The following SOX5 variants were observed in gnomAD, a reference collection of about 807,000 sequenced individuals.
SOX5 encodes transcription factor SOX-5.
SOX5 carries 9 observed loss-of-function variants against 92.0 expected under a neutral mutation model. The observed-to-expected ratio is 0.10, with a 90% CI of 0.06 to 0.17. SOX5 has a LOEUF of 0.17. Ranked by LOEUF, SOX5 falls within the 10% of genes least tolerant of loss-of-function variation. The pLI is 1.00. For missense variants in SOX5, 642 were observed against 944.5 expected, an observed-to-expected ratio of 0.68 and a Z score of 4.20; for synonymous variants, 344 against 336.3, an observed-to-expected ratio of 1.02 and a Z score of -0.25.
At chr12:24,380,306 A>G (rs1353008224) in intron 1 of SOX5, among the ~76,000 whole-genome samples, 1 of 152,148 alleles carries the variant, frequency 6.6e-6, no homozygotes, top group African/African-American at 2.4e-5. Flanking sequence ...CTGATTAGCA[A>G]TTTGCACTTT....
intron 3 of SOX5, among the ~76,000 whole-genome samples, chr12:23,835,168 T>G (rs1453343435): frequency 1.3e-5 from 2 of 151,894 alleles, no homozygotes; most frequent in Non-Finnish European, 2.9e-5. Context: ...TTGGCAAAAT[T>G]AAGATAGTCG....
At chr12:24,414,144 C>T (rs1399832362) in intron 1 of SOX5, among the ~76,000 whole-genome samples, 1 of 152,134 alleles carries the variant, frequency 6.6e-6, no homozygotes, top group Non-Finnish European at 1.5e-5. Context: ...TACTTGGGCT[C>T]AAATCCATTA....
chr12:23,662,133 TTA>T (rs1336877260), intron 7 of SOX5, among the ~76,000 whole-genome samples: 1 of 151,680 alleles, frequency 6.6e-6, no homozygotes, highest in Non-Finnish European at 1.5e-5. Context: ...TACACACACA[TTA>T]TATATATACA....
intron 4 of SOX5, among the ~76,000 whole-genome samples, chr12:24,130,534 T>A (rs891378292): frequency 1.4e-4 from 21 of 152,146 alleles, no homozygotes; most frequent in African/African-American, 4.8e-4. Flanking sequence ...TTTCAATGAA[T>A]GAAGTTGAGT....
At chr12:24,050,580 G>T (rs939928552) in intron 4 of SOX5, among the ~76,000 whole-genome samples, 1 of 152,106 alleles carries the variant, frequency 6.6e-6, no homozygotes, top group Admixed American at 6.5e-5. Context: ...CTATGAAAAG[G>T]TCATCCTTTT....
chr12:23,629,515 GTTTTGCTTAGCAGCAGAAA>G (rs1365201803), intron 8 of SOX5, among the ~76,000 whole-genome samples: 1 of 151,976 alleles, frequency 6.6e-6, no homozygotes, highest in Non-Finnish European at 1.5e-5. Context: ...TGGTTTTTAA[GTTTTGCTTAGCAGCAGAAA>G]TCTTTAACTC....
At chr12:24,432,377 G>T (rs1421587623) in intron 1 of SOX5, among the ~76,000 whole-genome samples, 1 of 152,084 alleles carries the variant, frequency 6.6e-6, no homozygotes, top group African/African-American at 2.4e-5. Flanking sequence ...CACGTGAAAA[G>T]CCCCCAATAA....
intron 4 of SOX5, among the ~76,000 whole-genome samples, chr12:24,048,724 G>C (rs1211349431): frequency 1.3e-5 from 2 of 152,162 alleles, no homozygotes; most frequent in African/African-American, 4.8e-5. Flanking sequence ...AACGAAGCTT[G>C]AAAACATTAC....
intron 3 of SOX5, among the ~76,000 whole-genome samples, chr12:23,790,548 TCACACACACA>T (rs941547453): frequency 8.7e-5 from 12 of 137,320 alleles, no homozygotes; most frequent in Non-Finnish European, 1.9e-4. Flanking sequence ...TCTCAATCTC[TCACACACACA>T]CACACACACA....
chr12:23,861,851 A>G (rs2096760274), intron 2 of SOX5, among the ~76,000 whole-genome samples: 1 of 152,178 alleles, frequency 6.6e-6, no homozygotes, highest in Non-Finnish European at 1.5e-5. Context: ...CATTATACTT[A>G]GCAACATCAA....
chr12:24,011,388 C>T (rs74565649), intron 4 of SOX5, among the ~76,000 whole-genome samples: 2,322 of 152,194 alleles, frequency 0.015, 78 homozygotes, highest in African/African-American at 0.053. Context: ...TTGGGAAATA[C>T]GTTTTATTTT....
At chr12:24,257,411 C>T (rs143188951) in intron 3 of SOX5, among the ~76,000 whole-genome samples, 9 of 152,092 alleles carry the variant, frequency 5.9e-5, no homozygotes, top group African/African-American at 2.2e-4. Flanking sequence ...TCTGATTTCT[C>T]TAAGTCACAA....
At chr12:24,469,521 C>T (rs950249602) in intron 1 of SOX5, among the ~76,000 whole-genome samples, 1 of 152,178 alleles carries the variant, frequency 6.6e-6, no homozygotes, top group Non-Finnish European at 1.5e-5. Flanking sequence ...CTTCCTAATA[C>T]TTTTATTTAA....
chr12:24,056,775 A>G (rs1038976149), intron 4 of SOX5, among the ~76,000 whole-genome samples: 3 of 151,278 alleles, frequency 2.0e-5, no homozygotes, highest in African/African-American at 7.3e-5. Flanking sequence ...GGAGATCGAG[A>G]CCATCCCGGC....
intron 6 of SOX5, among the ~76,000 whole-genome samples, chr12:23,695,015 A>G (rs2089552170): frequency 6.6e-6 from 1 of 151,806 alleles, no homozygotes; most frequent in African/African-American, 2.4e-5. Context: ...AGCTACTTGC[A>G]AGGCTGAGGT....
At chr12:23,632,467 C>T (rs1175603159) in intron 8 of SOX5, among the ~76,000 whole-genome samples, 1 of 152,114 alleles carries the variant, frequency 6.6e-6, no homozygotes, top group Admixed American at 6.6e-5. Flanking sequence ...AAAATCCTCA[C>T]ATCTAGATTT....
rs543447588 is a variant in SOX5 at position 23,768,124 on chromosome 12, G to GT, written c.482-12401dup. Among the ~76,000 whole-genome samples the GT allele has an allele frequency of 1.8e-4, 27 of 152,146 alleles. No homozygotes were observed. The South Asian group carries it at 5.2e-3, about 29-fold the overall frequency. Reference sequence around the variant, plus strand: ...AATGCTTATTTACAACAGTCTAGGGGTTTTTGTGAAGTGCAATGAAACATA... The same window carrying GT: ...AATGCTTATTTACAACAGTCTAGGGGTTTTTTGTGAAGTGCAATGAAACATA... On this transcript the variant is annotated intron_variant, in intron 3 of 14. Coordinates refer to ENST00000451604, the MANE Select transcript of SOX5 (RefSeq NM_006940.6).
chr12:23,748,310 A>G (rs1470263664), intron 4 of SOX5, among the ~76,000 whole-genome samples: 2 of 152,106 alleles, frequency 1.3e-5, no homozygotes, highest in Non-Finnish European at 2.9e-5. Flanking sequence ...TGAATAAAAT[A>G]AATAAACTTA....
chr12:24,554,156 T>G (rs924174741), intron 1 of SOX5, among the ~76,000 whole-genome samples: 1 of 152,172 alleles, frequency 6.6e-6, no homozygotes, highest in African/African-American at 2.4e-5. Flanking sequence ...CTACTCCTGA[T>G]AGTATACATC....
Sources: gnomAD v4.1 joint callset for allele counts (sites outside exome capture counted in the v4.1 genomes callset) on GRCh38, gnomAD v4.1.1 for gene constraint, MANE v1.5 for transcripts, NCBI Gene and HGNC (gene_info 2026-07-23, HGNC 2026-07-21) for gene names.